Variants in RAPGEF1 observed in about 807,000 individuals in gnomAD.
The protein encoded by RAPGEF1 is CRK SH3-binding GNRP.
A neutral mutation model predicts 143.3 loss-of-function variants in RAPGEF1; 33 were observed. That is an observed-to-expected ratio of 0.23 (90% CI 0.17 to 0.31). The LOEUF (loss-of-function observed/expected upper bound fraction) is 0.31. RAPGEF1 is among the 10% of genes least tolerant of loss of function. RAPGEF1 has a pLI of 1.00. For synonymous variants in RAPGEF1, 629 were observed against 676.5 expected, an observed-to-expected ratio of 0.93 and a Z score of 1.09; for missense variants, 1,199 against 1,645.4, an observed-to-expected ratio of 0.73 and a Z score of 4.69.
At chr9:131,706,839 G>C (rs538480825) in intron 1 of RAPGEF1, among the ~76,000 whole-genome samples, 20 of 152,312 alleles carry the variant, frequency 1.3e-4, no homozygotes, top group African/African-American at 4.6e-4. Flanking sequence ...GCCTGTGAAG[G>C]CTTAAAAACC....
intron 6 of RAPGEF1, 48 bp from the exon 7 acceptor site, chr9:131,629,302 C>G: frequency 1.3e-6 from 2 of 1,566,720 alleles, no homozygotes; most frequent in South Asian, 1.1e-5. Flanking sequence ...AAAGGCGGGA[C>G]AGAGCACACA....
intron 15 of RAPGEF1, among the ~76,000 whole-genome samples, chr9:131,600,119 G>A (rs1956025421): frequency 4.0e-5 from 6 of 150,914 alleles, no homozygotes; most frequent in Admixed American, 2.0e-4. Flanking sequence ...CTGTCTCAAG[G>A]GAAAAAAAAA....
intron 4 of RAPGEF1, among the ~76,000 whole-genome samples, chr9:131,639,026 A>C (rs1176415183): frequency 6.6e-6 from 1 of 152,166 alleles, no homozygotes; most frequent in African/African-American, 2.4e-5. Context: ...TCCCAAATGT[A>C]ACATTACAAA....
At chr9:131,721,443 G>A (rs1269024511) in intron 1 of RAPGEF1, among the ~76,000 whole-genome samples, 1 of 152,132 alleles carries the variant, frequency 6.6e-6, no homozygotes, top group Non-Finnish European at 1.5e-5. Context: ...AAAATCCAGA[G>A]TCCAACCCTT....
Position 131,627,924 on chromosome 9 carries a change from C to T in RAPGEF1, c.1190G>A (p.Cys397Tyr), listed in dbSNP as rs1045172248. ...TGGTGGCGGCTCACCTAGTGTTTCA[C>T]AGCTTGTGTTCCGGGAGCACTGCCC... Reference protein sequence around the residue: ...DSGQCSRNTSCETLDHYDPDY... With the variant: ...DSGQCSRNTSYETLDHYDPDY... Residue 397 changes from cysteine (C) to tyrosine (Y), a missense_variant, in exon 9 of 27, where the codon TGT (cysteine) becomes TAT (tyrosine). This residue lies in a region of RAPGEF1 where 613 missense variants were observed against 710.9 expected (regional missense o/e 0.86). Coordinates refer to ENST00000683357, the MANE Select transcript of RAPGEF1 (RefSeq NM_001377935.1). 6.3e-7 allele frequency: 1 copy of T among 1,583,312 alleles called. No individual in the cohort carries two copies. The highest frequency in any genetic ancestry group is 1.2e-5 in the South Asian group (1 of 86,578).
chr9:131,707,412 A>G (rs555735352), intron 1 of RAPGEF1, among the ~76,000 whole-genome samples: 2 of 152,150 alleles, frequency 1.3e-5, no homozygotes, highest in Non-Finnish European at 2.9e-5. Context: ...TTATTTATAC[A>G]GTATATTTTG....
At chr9:131,595,181 G>A (rs1337299789) in intron 17 of RAPGEF1, among the ~76,000 whole-genome samples, 5 of 152,258 alleles carry the variant, frequency 3.3e-5, no homozygotes, top group African/African-American at 1.2e-4. Flanking sequence ...GGCCCTCTGA[G>A]CCTGTCATGG....
chr9:131,602,179 G>A (rs1345170277), intron 14 of RAPGEF1, 30 bp from the exon 15 acceptor site: 3 of 1,529,256 alleles, frequency 2.0e-6, no homozygotes, highest in Non-Finnish European at 2.7e-6. Context: ...CTGAGTTCTG[G>A]ACAGGGGCCC....
chr9:131,652,099 T>C (rs1971209654), intron 1 of RAPGEF1, among the ~76,000 whole-genome samples: 2 of 152,210 alleles, frequency 1.3e-5, no homozygotes, highest in Admixed American at 6.5e-5. Context: ...TGTGAAGGTC[T>C]AGGACACTCC....
chr9:131,737,190 G>T (rs1299967918), intron 1 of RAPGEF1, among the ~76,000 whole-genome samples: 1 of 152,156 alleles, frequency 6.6e-6, no homozygotes. Context: ...CCTGACCCTG[G>T]TCTTGCCAAT....
Position 131,679,262 on chromosome 9 carries a change from C to G in RAPGEF1, c.62-28313G>C, listed in dbSNP as rs537600331. 2.0e-5 allele frequency among the ~76,000 whole-genome samples: 3 copies of G among 152,322 alleles called. No individual in the cohort carries two copies. The East Asian group carries it at 5.8e-4, about 29-fold the overall frequency. On this transcript the variant is annotated intron_variant, in intron 1 of 26. Coordinates refer to ENST00000683357, the MANE Select transcript of RAPGEF1 (RefSeq NM_001377935.1). ...GCAGCTGACCTCAGGGAAGACAAGC[C>G]TAAGGGGCCAGCCCCTGTCCTCCAT... is the stretch of plus-strand genomic sequence containing the variant.
chr9:131,698,528 C>T lies in RAPGEF1; in HGVS notation c.61+41242G>A, dbSNP rs958847677. ...CAAATTGTTTGCAGTAATGGCCAAA[C>T]GATTCCCTGCTCCTCATACCCACAG... On this transcript the variant is annotated intron_variant, in intron 1 of 26. Coordinates refer to ENST00000683357, the MANE Select transcript of RAPGEF1 (RefSeq NM_001377935.1). 1.1e-4 allele frequency among the ~76,000 whole-genome samples: 16 copies of T among 152,234 alleles called. 1 individual carries two copies. Among genetic ancestry groups the T allele is most frequent in the South Asian group, 4.1e-4 (2 of 4,836 alleles).
At chr9:131,691,585 G>A (rs889800749) in intron 1 of RAPGEF1, among the ~76,000 whole-genome samples, 45 of 151,878 alleles carry the variant, frequency 3.0e-4, no homozygotes, top group African/African-American at 1.1e-3. Context: ...AATGCTTTTT[G>A]CAAGCAACTA....
chr9:131,702,475 T>C (rs1021187554), intron 1 of RAPGEF1, among the ~76,000 whole-genome samples: 3 of 152,242 alleles, frequency 2.0e-5, no homozygotes, highest in African/African-American at 7.2e-5. Flanking sequence ...TCCCATACCC[T>C]TTCTCTGAGT....
In RAPGEF1 at chr9:131,718,396, T is replaced by C. The variant is rs545056541; in HGVS notation, c.61+21374A>G. On this transcript the variant is annotated intron_variant, in intron 1 of 26. Transcript: ENST00000683357. ...CATAAAGAGGATCCATGTGATCCAGTTCACACTCTGGCTGTGAAATGCAGA... is the reference window on the plus strand; with the variant it reads ...CATAAAGAGGATCCATGTGATCCAGCTCACACTCTGGCTGTGAAATGCAGA... Among the ~76,000 whole-genome samples the C allele has an allele frequency of 4.9e-4, 75 of 152,276 alleles. 1 individual carries two copies. Among genetic ancestry groups the C allele is most frequent in the Middle Eastern group, 6.8e-3 (2 of 294 alleles).
intron 1 of RAPGEF1, among the ~76,000 whole-genome samples, chr9:131,707,924 T>C (rs1835199703): frequency 6.6e-6 from 1 of 152,230 alleles, no homozygotes; most frequent in South Asian, 2.1e-4. Context: ...CAGTTCCTCA[T>C]TATAATCCAC....
At chr9:131,682,465 C>G (rs964006044) in intron 1 of RAPGEF1, among the ~76,000 whole-genome samples, 1 of 152,166 alleles carries the variant, frequency 6.6e-6, no homozygotes, top group Non-Finnish European at 1.5e-5. Context: ...CAAAAGGTTC[C>G]AACAGGAGTC....
intron 1 of RAPGEF1, among the ~76,000 whole-genome samples, chr9:131,683,126 T>A (rs1833057342): frequency 6.6e-6 from 1 of 152,152 alleles, no homozygotes; most frequent in African/African-American, 2.4e-5. Flanking sequence ...GTCCCTGGTA[T>A]GGGACTAGAA....
chr9:131,649,000 G>C (rs1234774723), intron 3 of RAPGEF1, among the ~76,000 whole-genome samples: 1 of 151,896 alleles, frequency 6.6e-6, no homozygotes, highest in Non-Finnish European at 1.5e-5. Context: ...CTGTCTACAA[G>C]GTTTATTTTA....
Sources: gnomAD v4.1 joint callset for allele counts (sites outside exome capture counted in the v4.1 genomes callset) on GRCh38, gnomAD v4.1.1 for gene constraint, gnomAD v4.1.1 regional missense constraint, MANE v1.5 for transcripts, NCBI Gene and HGNC (gene_info 2026-07-23, HGNC 2026-07-21) for gene names.